The following ZNF585B variants were observed in gnomAD, a reference collection of about 807,000 sequenced individuals.
ZNF585B encodes zinc finger protein 585B.
A neutral mutation model predicts 14.0 loss-of-function variants in ZNF585B; 7 were observed. The observed-to-expected ratio is 0.50, with a 90% CI of 0.28 to 0.94. The LOEUF (loss-of-function observed/expected upper bound fraction) is 0.94, where lower values mean the gene tolerates loss of function less well. ZNF585B is among the 40% of genes least tolerant of loss of function. The pLI, the probability that ZNF585B is intolerant of heterozygous loss-of-function variation, is 0.09. For missense variants in ZNF585B, 750 were observed against 924.4 expected, an observed-to-expected ratio of 0.81 and a Z score of 2.45; for synonymous variants, 290 against 317.3, an observed-to-expected ratio of 0.91 and a Z score of 0.91.
Position 37,185,256 on chromosome 19 carries a change from A to C in ZNF585B, c.2281T>G (p.Phe761Val). The C allele has an allele frequency of 6.2e-7, 1 of 1,613,946 alleles. No individual in the cohort carries two copies. Among genetic ancestry groups the C allele is most frequent in the Non-Finnish European group, 8.5e-7 (1 of 1,179,862 alleles). The change falls in exon 5 of 5, where the codon TTC becomes GTC. Residue 761 changes from phenylalanine (F) to valine (V), a missense_variant. Physicochemically the swap from Phe to Val is conservative, Grantham distance 50. Around this residue, in one of 2 missense-constraint regions of ZNF585B, gnomAD observed 233 missense variants for 354.1 expected, o/e 0.66. Coordinates refer to ENST00000532828, the MANE Select transcript of ZNF585B (RefSeq NM_152279.4). ...GCGTGGCTGCTCTGATGAACACTGA[A>C]CACTGATTTCTGAACGAAGCCTTTC... ...CGKGFVQKSVFSVHQSSHA is the reference protein window; with the variant it reads ...CGKGFVQKSVVSVHQSSHA
At chr19:37,204,700 G>A (rs320889) in intron 2 of ZNF585B, among the ~76,000 whole-genome samples, 54,055 of 151,114 alleles carry the variant, frequency 0.36, 9,952 homozygotes, top group African/African-American at 0.46. Flanking sequence ...TCAGCCTCCC[G>A]AGCAGGTGGG....
At chr19:37,193,470 C>CA (rs1188808062) in intron 2 of ZNF585B, among the ~76,000 whole-genome samples, 6,615 of 78,128 alleles carry the variant, frequency 0.085, 410 homozygotes, top group African/African-American at 0.21. Context: ...GCCTCTGTCT[C>CA]AAAAAAAAAA....
Position 37,184,967 on chromosome 19 carries a change from A to C in ZNF585B, c.*260T>G, listed in dbSNP as rs1436769424. The stretch of plus-strand genomic sequence containing the variant: ...GTATTCTATTGTAGTTTTCATGAGA[A>C]GGCTTTTCCTATTCACCAAATTGAC... On this transcript the variant is annotated 3_prime_UTR_variant, in exon 5 of 5. Transcript: ENST00000532828. The C allele has an allele frequency of 2.1e-6, 1 of 465,844 alleles. No individual in the cohort carries two copies. Among genetic ancestry groups the C allele is most frequent in the Non-Finnish European group, 3.8e-6 (1 of 265,964 alleles). 28.9% of individuals were successfully genotyped at this position (465,844 alleles called of 1,614,324 possible). A position where few individuals can be genotyped will look rare whatever the true frequency, so the allele number is the denominator to read the frequency against.
chr19:37,198,292 C>T (rs1972492031), intron 2 of ZNF585B, among the ~76,000 whole-genome samples: 2 of 152,064 alleles, frequency 1.3e-5, no homozygotes, highest in African/African-American at 4.8e-5. Flanking sequence ...CTGCCTCAGC[C>T]TCCCCAGTAG....
At chr19:37,208,464 T>G (rs918684104) in intron 1 of ZNF585B, among the ~76,000 whole-genome samples, 28 of 152,140 alleles carry the variant, frequency 1.8e-4, no homozygotes, top group African/African-American at 6.3e-4. Context: ...GTATTTCTGA[T>G]TATGTTTCCT....
rs1168664735 is a variant in ZNF585B, at chr19:37,185,401, G to A, written c.2136C>T (p.His712=). ...KSQLQVHQRI[H]TGEKPYVCAE... ...CACACACGTAAGGCTTCTCTCCAGT[G>A]TGAATTCGCTGATGCACTTGGAGCT... The change falls in exon 5 of 5, where the codon CAC becomes CAT. Residue 712 remains histidine, a synonymous_variant. Coordinates refer to ENST00000532828, the MANE Select transcript of ZNF585B (RefSeq NM_152279.4). The A allele has an allele frequency of 3.1e-6, 5 of 1,613,816 alleles. No homozygotes were observed. Among genetic ancestry groups the A allele is most frequent in the Admixed American group, 1.7e-5 (1 of 59,960 alleles).
At chr19:37,200,625 A>G (rs997847790) in intron 2 of ZNF585B, among the ~76,000 whole-genome samples, 1 of 151,902 alleles carries the variant, frequency 6.6e-6, no homozygotes, top group African/African-American at 2.4e-5. Context: ...AGGAGTTTCA[A>G]AAAGAAAATA....
intron 2 of ZNF585B, among the ~76,000 whole-genome samples, chr19:37,191,802 G>A (rs181364964): frequency 5.3e-4 from 81 of 152,166 alleles, no homozygotes; most frequent in Admixed American, 1.2e-3. Context: ...GGGACGCCGA[G>A]GTAGGTGGAT....
chr19:37,198,802 T>TAGAG, intron 2 of ZNF585B: 1 of 383,932 alleles, frequency 2.6e-6, no homozygotes, highest in Non-Finnish European at 4.6e-6. Context: ...TTATTTATTG[T>TAGAG]ATAAAGATTC....
intron 1 of ZNF585B, 137 bp from the exon 2 acceptor site, chr19:37,207,391 G>A (rs1444574992): frequency 2.0e-6 from 1 of 509,250 alleles, no homozygotes; most frequent in Admixed American, 3.5e-5. Context: ...TCACCTGGAG[G>A]GCTTGTTAAA....
intron 2 of ZNF585B, chr19:37,198,789 A>G (rs1441779447): frequency 2.0e-5 from 7 of 350,138 alleles, no homozygotes; most frequent in Middle Eastern, 7.5e-4. Flanking sequence ...TATAGTCACA[A>G]TATTATTTAT....
At chr19:37,205,934 G>A (rs1972580159) in intron 2 of ZNF585B, among the ~76,000 whole-genome samples, 1 of 151,582 alleles carries the variant, frequency 6.6e-6, no homozygotes, top group South Asian at 2.1e-4. Context: ...ACAAAAATTA[G>A]CCAGGCGTGG....
chr19:37,187,388 T>C (rs1157620764), intron 4 of ZNF585B, 144 bp from the exon 5 acceptor site: 4 of 618,210 alleles, frequency 6.5e-6, no homozygotes, highest in African/African-American at 5.6e-5. Context: ...GTCACACTGA[T>C]AGGGTTTTTA....
chr19:37,198,912 T>C (rs759989160), intron 2 of ZNF585B: 23 of 1,286,090 alleles, frequency 1.8e-5, no homozygotes, highest in Non-Finnish European at 2.3e-5. Context: ...ATTTTTAATA[T>C]GTAAAATTAT....
intron 2 of ZNF585B, among the ~76,000 whole-genome samples, chr19:37,198,111 T>C (rs575455979): frequency 1.3e-5 from 2 of 152,284 alleles, no homozygotes; most frequent in South Asian, 4.1e-4. Flanking sequence ...AGGTGGTGGA[T>C]AGAGAGCTTA....
In ZNF585B at chr19:37,190,065, C is replaced by G; in HGVS notation, c.158G>C (p.Arg53Pro). 1.9e-6 allele frequency: 3 copies of G among 1,614,080 alleles called. No individual in the cohort carries two copies. Among genetic ancestry groups the G allele is most frequent in the Non-Finnish European group, 2.5e-6 (3 of 1,180,024 alleles). ...GCTGTAGGTCTCCAGCATCACATCC[C>G]GGTACAGGTTTCTCTGAGAAAGGTC... ...HLDLSQRNLY[R>P]DVMLETYSHL... Residue 53 changes from arginine (R) to proline (P), a missense_variant, in exon 3 of 5, where the codon CGG (arginine) becomes CCG (proline). Around this residue, in one of 2 missense-constraint regions of ZNF585B, gnomAD observed 517 missense variants for 570.3 expected, o/e 0.91. Coordinates refer to ENST00000532828, the MANE Select transcript of ZNF585B (RefSeq NM_152279.4).
intron 1 of ZNF585B, among the ~76,000 whole-genome samples, chr19:37,208,181 T>C (rs1972606998): frequency 6.6e-6 from 1 of 152,096 alleles, no homozygotes; most frequent in South Asian, 2.1e-4. Flanking sequence ...CCATGTTGGC[T>C]GGGATGATCT....
At position 37,185,923 on chromosome 19, in the gene ZNF585B, A is replaced by G. The variant is rs1444891785; in HGVS notation, c.1614T>C (p.Asn538=). 6 of 1,613,980 alleles carry G rather than the reference A, an allele frequency of 3.7e-6. No homozygotes were observed. Among genetic ancestry groups the G allele is most frequent in the South Asian group, 1.1e-5 (1 of 91,088 alleles). Residue 538 remains asparagine, a synonymous_variant, in exon 5 of 5, where the codon AAT becomes AAC. Coordinates refer to ENST00000532828, the MANE Select transcript of ZNF585B (RefSeq NM_152279.4). ...GKAFTQKSNL[N]IHQKIHTGER... The stretch of plus-strand genomic sequence containing the variant: ...CTCCAGTGTGAATTTTCTGATGTAT[A>G]TTAAGATTTGACTTCTGAGTAAAGG...
In ZNF585B at chr19:37,182,025, TA is replaced by T. The variant is rs1270807294; in HGVS notation, c.*3201del. The T allele has an allele frequency of 6.6e-6, 1 of 152,100 alleles. No homozygotes were observed. Among genetic ancestry groups the T allele is most frequent in the Non-Finnish European group, 1.5e-5 (1 of 68,014 alleles). The allele number at this position is 152,100 out of a possible 1,614,324, so 9.4% of individuals were successfully genotyped here. On this transcript the variant is annotated 3_prime_UTR_variant, in exon 5 of 5. Transcript: ENST00000532828. ...AGTGTCAATGTAGTTTCATCAATTG[TA>T]ACAAATGTACCACTCTGAAGGGGGA...
Sources: gnomAD v4.1 joint callset for allele counts (sites outside exome capture counted in the v4.1 genomes callset) on GRCh38, gnomAD v4.1.1 for gene constraint, gnomAD v4.1.1 regional missense constraint, MANE v1.5 for transcripts, NCBI Gene and HGNC (gene_info 2026-07-23, HGNC 2026-07-21) for gene names.